UEVLD: variants seen among roughly 807,000 people sequenced by gnomAD.
UEVLD encodes UEV and lactate/malate dehyrogenase domains, also known as ubiquitin-conjugating enzyme E2 variant 3.
Under a neutral mutation model 58.6 loss-of-function variants are expected in UEVLD, and 47 were observed. That is an observed-to-expected ratio of 0.80 (90% CI 0.63 to 1.02). UEVLD has a LOEUF of 1.02. Ranked by LOEUF, UEVLD falls within the 50% of genes least tolerant of loss-of-function variation. UEVLD has a pLI of 0.00. For missense variants in UEVLD, 510 were observed against 550.6 expected, an observed-to-expected ratio of 0.93 and a Z score of 0.74; for synonymous variants, 197 against 195.3, an observed-to-expected ratio of 1.01 and a Z score of -0.07.
intron 4 of UEVLD, among the ~76,000 whole-genome samples, chr11:18,569,627 A>G (rs1246958016): frequency 1.8e-5 from 2 of 113,670 alleles, no homozygotes; most frequent in African/African-American, 6.0e-5. Flanking sequence ...TCAGGTAACC[A>G]TTAAAAACCA....
intron 1 of UEVLD, among the ~76,000 whole-genome samples, chr11:18,583,650 A>T (rs1368298190): frequency 7.0e-6 from 1 of 143,626 alleles, no homozygotes; most frequent in Non-Finnish European, 1.5e-5. Flanking sequence ...TATTAAGTCC[A>T]GTATTACTTT....
intron 1 of UEVLD, chr11:18,579,496 T>C: frequency 1.0e-6 from 1 of 985,368 alleles, no homozygotes; most frequent in Non-Finnish European, 1.2e-6. Flanking sequence ...TCCAACCGTC[T>C]TTTTGGCACG....
At chr11:18,577,760 T>C (rs1323276098) in intron 2 of UEVLD, among the ~76,000 whole-genome samples, 1 of 151,250 alleles carries the variant, frequency 6.6e-6, no homozygotes, top group African/African-American at 2.4e-5. Flanking sequence ...TAATCCCAGC[T>C]ACTCGGAAGG....
intron 6 of UEVLD, among the ~76,000 whole-genome samples, chr11:18,562,377 A>G (rs1203597859): frequency 2.6e-5 from 4 of 151,980 alleles, no homozygotes; most frequent in African/African-American, 9.7e-5. Flanking sequence ...CCCCCTCTCT[A>G]CTAAAAATAC....
Position 18,532,093 on chromosome 11 carries a change from G to A in UEVLD, c.*227C>T, listed in dbSNP as rs930842214. 6.6e-5 allele frequency: 22 copies of A among 335,676 alleles called. No homozygotes were observed. The highest frequency in any genetic ancestry group is 1.2e-4 in the Non-Finnish European group (22 of 187,564). 20.8% of individuals were successfully genotyped at this position (335,676 alleles called of 1,614,324 possible). ...TGTTTACCCCTGCTGTAGATTTAAA[G>A]AACAGCATAGATATCTCAAGAACCC... is the stretch of plus-strand genomic sequence containing the variant. On this transcript the variant is annotated 3_prime_UTR_variant, in exon 12 of 12. Coordinates refer to ENST00000396197, the MANE Select transcript of UEVLD (RefSeq NM_001040697.4).
intron 11 of UEVLD, 33 bp downstream of exon 11, chr11:18,534,296 TA>T: frequency 7.0e-7 from 1 of 1,422,376 alleles, no homozygotes; most frequent in Non-Finnish European, 9.3e-7. Flanking sequence ...TATCTAAGTT[TA>T]AAATATAATA....
intron 7 of UEVLD, among the ~76,000 whole-genome samples, chr11:18,549,442 G>C: frequency 6.6e-6 from 1 of 151,928 alleles, no homozygotes; most frequent in South Asian, 2.1e-4. Flanking sequence ...TTTGAGACAG[G>C]GTCTCACTCT....
chr11:18,567,494 C>T (rs1385626191), intron 4 of UEVLD, among the ~76,000 whole-genome samples: 1 of 152,058 alleles, frequency 6.6e-6, no homozygotes, highest in Non-Finnish European at 1.5e-5. Flanking sequence ...CCTTTGGGGA[C>T]CAAGCAGGTA....
chr11:18,587,144 T>C (rs1256247316), intron 1 of UEVLD, among the ~76,000 whole-genome samples: 1 of 152,232 alleles, frequency 6.6e-6, no homozygotes, highest in Non-Finnish European at 1.5e-5. Context: ...AAAAAACCAT[T>C]GTCTCTCTTC....
rs189177705 is a variant in UEVLD at position 18,558,243 on chromosome 11, C to T, written c.700G>A (p.Val234Met). The T allele has an allele frequency of 6.1e-5, 98 of 1,612,508 alleles. No homozygotes were observed. The highest frequency in any genetic ancestry group is 4.5e-5 in the Non-Finnish European group (53 of 1,179,320). Residue 234 changes from valine (V) to methionine (M), a missense_variant, in exon 7 of 12, where the codon GTG becomes ATG. Transcript: ENST00000396197. ...ATAAACAGACCTTTGCTGATCTCCA[C>T]ATTAGGAAGGTTGAAGATTTCAAGG... is the stretch of plus-strand genomic sequence containing the variant. ...MDLEIFNLPN[V>M]EISKDLSASA...
At chr11:18,572,849 C>CTGAGCA (rs1852699580) in intron 3 of UEVLD, among the ~76,000 whole-genome samples, 1 of 151,328 alleles carries the variant, frequency 6.6e-6, no homozygotes, top group Non-Finnish European at 1.5e-5. Context: ...GCCACATTTA[C>CTGAGCA]TGAGCATACA....
In UEVLD at chr11:18,532,273, C is replaced by CT; in HGVS notation, c.*46dup. ...CCTATATATAGGTAAAATTAAATGACTTTTCCCTTTAGGTAGAAGTCCAGC... is the reference window on the plus strand; with the variant it reads ...CCTATATATAGGTAAAATTAAATGACTTTTTCCCTTTAGGTAGAAGTCCAGC... On this transcript the variant is annotated 3_prime_UTR_variant, in exon 12 of 12. Coordinates refer to ENST00000396197, the MANE Select transcript of UEVLD (RefSeq NM_001040697.4). 1 of 1,524,248 alleles carries CT rather than the reference C, an allele frequency of 6.6e-7. No individual in the cohort carries two copies. Among genetic ancestry groups the CT allele is most frequent in the Non-Finnish European group, 8.8e-7 (1 of 1,136,754 alleles). The allele number at this position is 1,524,248 out of a possible 1,614,324, so 94.4% of individuals were successfully genotyped here.
chr11:18,582,121 A>C (rs1467144580), intron 1 of UEVLD, among the ~76,000 whole-genome samples: 1 of 152,214 alleles, frequency 6.6e-6, no homozygotes, highest in African/African-American at 2.4e-5. Context: ...TATTATCAAC[A>C]AATATAATTT....
intron 4 of UEVLD, among the ~76,000 whole-genome samples, chr11:18,569,636 C>T (rs1420913701): frequency 6.6e-6 from 1 of 151,590 alleles, no homozygotes; most frequent in Non-Finnish European, 1.5e-5. Flanking sequence ...CATTAAAAAC[C>T]ATGTATTTTG....
At chr11:18,574,685 T>A (rs1352451370) in intron 3 of UEVLD, among the ~76,000 whole-genome samples, 1 of 152,228 alleles carries the variant, frequency 6.6e-6, no homozygotes, top group Non-Finnish European at 1.5e-5. Flanking sequence ...TCTAAACTGC[T>A]AGGTCACTCT....
intron 1 of UEVLD, among the ~76,000 whole-genome samples, chr11:18,579,697 C>T (rs1853129114): frequency 6.6e-6 from 1 of 152,142 alleles, no homozygotes; most frequent in South Asian, 2.1e-4. Context: ...ATTCTTTAAG[C>T]TTATTTTCTC....
At chr11:18,572,159 C>T (rs894308203) in intron 3 of UEVLD, among the ~76,000 whole-genome samples, 33 of 152,146 alleles carry the variant, frequency 2.2e-4, no homozygotes, top group African/African-American at 7.5e-4. Flanking sequence ...TGGCATGAAA[C>T]TGGGAGGCGG....
chr11:18,544,162 C>T (rs1851182761), intron 9 of UEVLD, among the ~76,000 whole-genome samples: 2 of 152,132 alleles, frequency 1.3e-5, no homozygotes, highest in African/African-American at 4.8e-5. Context: ...GAGAATGACA[C>T]ATATGAGGAA....
At chr11:18,586,965 G>A (rs1285038448) in intron 1 of UEVLD, among the ~76,000 whole-genome samples, 1 of 152,156 alleles carries the variant, frequency 6.6e-6, no homozygotes, top group African/African-American at 2.4e-5. Flanking sequence ...CCAGGAGGCG[G>A]AGATGGCAGT....
Sources: gnomAD v4.1 joint callset for allele counts (sites outside exome capture counted in the v4.1 genomes callset) on GRCh38, gnomAD v4.1.1 for gene constraint, MANE v1.5 for transcripts, NCBI Gene and HGNC (gene_info 2026-07-23, HGNC 2026-07-21) for gene names.